The following LIFR variants were observed in gnomAD, a reference collection of about 807,000 sequenced individuals.
LIFR encodes leukemia inhibitory factor receptor.
LIFR carries 84 observed loss-of-function variants against 122.2 expected under a neutral mutation model. That is an observed-to-expected ratio of 0.69 (90% CI 0.58 to 0.82). The LOEUF is 0.82. Ranked by LOEUF, LIFR falls within the 40% of genes least tolerant of loss-of-function variation. The pLI, the probability that LIFR is intolerant of heterozygous loss-of-function variation, is 0.00. For synonymous variants in LIFR, 422 were observed against 434.7 expected, an observed-to-expected ratio of 0.97 and a Z score of 0.36; for missense variants, 1,294 against 1,311.6, an observed-to-expected ratio of 0.99 and a Z score of 0.21.
intron 2 of LIFR, among the ~76,000 whole-genome samples, chr5:38,530,272 C>A (rs1746930790): frequency 6.6e-6 from 1 of 151,804 alleles, no homozygotes; most frequent in African/African-American, 2.4e-5. Context: ...CTTAAAAAGG[C>A]AAATTTTATT....
intron 11 of LIFR, among the ~76,000 whole-genome samples, chr5:38,501,042 G>C (rs1335870962): frequency 6.6e-6 from 1 of 152,172 alleles, no homozygotes; most frequent in African/African-American, 2.4e-5. Context: ...TCTAGCCCCA[G>C]TGAAGCCTGC....
chr5:38,537,997 C>T (rs998158603), intron 1 of LIFR, among the ~76,000 whole-genome samples: 1 of 151,900 alleles, frequency 6.6e-6, no homozygotes, highest in African/African-American at 2.4e-5. Context: ...TTTCTCATGC[C>T]GGGACTATGC....
chr5:38,584,779 C>G (rs1413539020), intron 1 of LIFR, among the ~76,000 whole-genome samples: 1 of 152,096 alleles, frequency 6.6e-6, no homozygotes, highest in Non-Finnish European at 1.5e-5. Flanking sequence ...ACCTAGAGAT[C>G]TCATGTAAAA....
At position 38,604,664 on chromosome 5, in the gene LIFR, G is replaced by A. The variant is rs567898398; in HGVS notation, n.305+1541C>T. 8.6e-5 allele frequency among the ~76,000 whole-genome samples: 13 copies of A among 151,914 alleles called. No homozygotes were observed. The South Asian group carries it at 2.7e-3, about 32-fold the overall frequency. On this transcript the variant is annotated intron_variant and non_coding_transcript_variant, in intron 2 of 3. Coordinates refer to the LIFR transcript ENST00000507786. The stretch of plus-strand genomic sequence containing the variant: ...TGCAGTGAGCCGAGATTGCGCCGTT[G>A]CACTCCAGCCTGGGCGACAGGGCAA...
intron 9 of LIFR, 30 bp from the exon 10 acceptor site, chr5:38,504,151 CTTAT>C: frequency 7.1e-7 from 1 of 1,402,366 alleles, no homozygotes; most frequent in East Asian, 2.3e-5. Context: ...AGATTAAACA[CTTAT>C]TTAAAGGGAA....
chr5:38,602,254 GAC>G (rs1207064892), intron 2 of LIFR, among the ~76,000 whole-genome samples: 7 of 152,150 alleles, frequency 4.6e-5, no homozygotes, highest in Non-Finnish European at 1.5e-5. Context: ...ATAAAATCTA[GAC>G]ACAATTCTTG....
upstream of LIFR, chr5:38,608,395 C>T (rs181273605): frequency 2.6e-5 from 4 of 151,892 alleles, no homozygotes; most frequent in African/African-American, 7.3e-5. Context: ...TGATATGAGA[C>T]CTGGAATGCA....
chr5:38,544,237 A>G (rs1306148764), intron 1 of LIFR, among the ~76,000 whole-genome samples: 2 of 152,194 alleles, frequency 1.3e-5, no homozygotes, highest in Non-Finnish European at 2.9e-5. Context: ...CGCACAAAGC[A>G]GAACCTTTCA....
Position 38,481,898 on chromosome 5 carries a change from T to C in LIFR, c.2991A>G (p.Gly997=). 1 of 1,614,170 alleles carries C rather than the reference T, an allele frequency of 6.2e-7. No homozygotes were observed. The highest frequency in any genetic ancestry group is 1.1e-5 in the South Asian group (1 of 91,078). The change falls in exon 20 of 20, where the codon GGA becomes GGG. Residue 997 remains glycine (G), a synonymous_variant. Coordinates refer to ENST00000453190, the MANE Select transcript of LIFR (RefSeq NM_001127671.2). The part of the protein sequence containing the change: ...PEEEQENDPV[G]GAGYKPQMHL... ...GCATCTGTGGCTTATAGCCTGCCCC[T>C]CCTACAGGGTCATTTTCTTGTTCTT...
At chr5:38,508,085 A>C (rs1745593533) in intron 7 of LIFR, among the ~76,000 whole-genome samples, 1 of 152,188 alleles carries the variant, frequency 6.6e-6, no homozygotes, top group African/African-American at 2.4e-5. Context: ...GAAATATTAA[A>C]ATCTAAATAA....
intron 16 of LIFR, 131 bp from the exon 17 acceptor site, chr5:38,486,111 C>T: frequency 1.3e-6 from 1 of 776,780 alleles, no homozygotes; most frequent in Non-Finnish European, 2.2e-6. Flanking sequence ...GACTCTGGAG[C>T]TGCCACTACC....
intron 5 of LIFR, among the ~76,000 whole-genome samples, chr5:38,520,860 T>G (rs1187825808): frequency 6.6e-6 from 1 of 152,240 alleles, no homozygotes; most frequent in African/African-American, 2.4e-5. Flanking sequence ...TATTTTGAAG[T>G]TGAGTAGTGT....
chr5:38,552,864 T>C (rs2112657999), intron 1 of LIFR, among the ~76,000 whole-genome samples: 1 of 152,362 alleles, frequency 6.6e-6, no homozygotes, highest in East Asian at 1.9e-4. Context: ...AATTCTCTAA[T>C]TATTCATTTA....
At chr5:38,569,963 C>T (rs113349216) in intron 1 of LIFR, among the ~76,000 whole-genome samples, 3 of 152,088 alleles carry the variant, frequency 2.0e-5, no homozygotes, top group South Asian at 2.1e-4. Context: ...GGTGGACTCC[C>T]GATAAGTGTT....
intron 13 of LIFR, among the ~76,000 whole-genome samples, 158 bp from the exon 14 acceptor site, chr5:38,493,943 G>T (rs28763917): frequency 1.5e-3 from 234 of 152,280 alleles, no homozygotes; most frequent in African/African-American, 5.2e-3. Context: ...TAGAAGTGTT[G>T]CTCTGTTATT....
chr5:38,517,716 G>T (rs1746162603), intron 5 of LIFR, among the ~76,000 whole-genome samples: 1 of 151,598 alleles, frequency 6.6e-6, no homozygotes, highest in Non-Finnish European at 1.5e-5. Flanking sequence ...AGTTAGTCGG[G>T]CGTGGTGGCA....
intron 1 of LIFR, among the ~76,000 whole-genome samples, chr5:38,531,624 TATTAAA>T (rs1173709051): frequency 5.9e-5 from 9 of 152,080 alleles, no homozygotes; most frequent in South Asian, 2.1e-4. Context: ...TATTGTCTGA[TATTAAA>T]ATTAAAATAA....
rs771905123 is a variant in LIFR at position 38,530,552 on chromosome 5, T to C, written c.96A>G (p.Thr32=). The C allele has an allele frequency of 3.7e-6, 6 of 1,613,044 alleles. No homozygotes were observed. The East Asian group carries it at 1.3e-4, about 36-fold the overall frequency. Residue 32 remains threonine, a synonymous_variant, in exon 2 of 20, where the codon ACA becomes ACG. Coordinates refer to ENST00000453190, the MANE Select transcript of LIFR (RefSeq NM_001127671.2). Reference sequence around the variant, plus strand: ...GATTCATTAGATATAGAAGAATAAATGTTGATAACAGCCACTGGAAATTTG... The same window carrying C: ...GATTCATTAGATATAGAAGAATAAACGTTGATAACAGCCACTGGAAATTTG... ...TASNFQWLLS[T]FILLYLMNQV...
At chr5:38,575,732 T>G (rs1330793894) in intron 1 of LIFR, among the ~76,000 whole-genome samples, 1 of 152,118 alleles carries the variant, frequency 6.6e-6, no homozygotes, top group South Asian at 2.1e-4. Flanking sequence ...GTTTCCCACC[T>G]CTCATATCTC....
Sources: allele counts gnomAD v4.1 joint callset (sites outside exome capture counted in the v4.1 genomes callset), GRCh38; gene constraint gnomAD v4.1.1; transcripts MANE v1.5; gene names NCBI Gene and HGNC (gene_info 2026-07-23, HGNC 2026-07-21).